TLN2: variants seen among roughly 807,000 people sequenced by gnomAD.
The protein encoded by TLN2 is talin-2.
Under a neutral mutation model 294.7 loss-of-function variants are expected in TLN2, and 118 were observed. The ratio of observed to expected loss-of-function variants is 0.40; its 90% CI spans 0.34 to 0.47. The LOEUF is 0.47. Among genes scored for constraint, TLN2 ranks in the 20% least tolerant of loss-of-function variants. TLN2 has a pLI of 0.84. For synonymous variants in TLN2, 1,431 were observed against 1,304.5 expected (o/e 1.10, Z -2.09); for missense variants, 3,083 against 3,282.2 (o/e 0.94, Z 1.48).
rs148041722 is a variant in TLN2 at position 62,654,613 on chromosome 15, G to A, written c.517+1299G>A. 4.4e-3 allele frequency among the ~76,000 whole-genome samples: 665 copies of A among 151,842 alleles called. 6 individuals carry two copies. The highest frequency in any genetic ancestry group is 0.015 in the African/African-American group (631 of 41,374). ...TGCTTAAAAATACAAAAATTAGCTG[G>A]GTGTGGTGGCGCATGCCTGTAATCC... On this transcript the variant is annotated intron_variant, in intron 7 of 58. Transcript: ENST00000636159.
At chr15:62,700,353 A>G (rs935574175) in intron 16 of TLN2, among the ~76,000 whole-genome samples, 4 of 152,238 alleles carry the variant, frequency 2.6e-5, no homozygotes, top group Non-Finnish European at 5.9e-5. Context: ...AAGATAAATG[A>G]TCATTTATTA....
chr15:62,541,897 T>G (rs1256231908), intron 1 of TLN2, among the ~76,000 whole-genome samples: 1 of 151,916 alleles, frequency 6.6e-6, no homozygotes, highest in Non-Finnish European at 1.5e-5. Context: ...TTTTATGTAT[T>G]TATTTTTGGC....
chr15:62,423,590 T>C (rs1052370341), intron 1 of TLN2, among the ~76,000 whole-genome samples: 2 of 152,088 alleles, frequency 1.3e-5, no homozygotes, highest in African/African-American at 4.8e-5. Flanking sequence ...AATTGATTTT[T>C]TTTTTTTTGA....
intron 1 of TLN2, among the ~76,000 whole-genome samples, chr15:62,460,192 TC>T (rs1388936108): frequency 1.3e-4 from 19 of 151,986 alleles, no homozygotes; most frequent in African/African-American, 4.4e-4. Flanking sequence ...CAGCCATGTG[TC>T]CTAGCAGGTT....
chr15:62,575,668 C>T (rs1034045972), intron 1 of TLN2, among the ~76,000 whole-genome samples: 5 of 152,092 alleles, frequency 3.3e-5, no homozygotes, highest in Non-Finnish European at 5.9e-5. Context: ...CTCAGAAGAC[C>T]ATTCAGAAAA....
At chr15:62,688,085 AT>A (rs1447331667) in intron 12 of TLN2, among the ~76,000 whole-genome samples, 37 of 152,214 alleles carry the variant, frequency 2.4e-4, no homozygotes, top group Non-Finnish European at 3.8e-4. Flanking sequence ...TTTGTTTTAC[AT>A]CTTGTAATAC....
intron 50 of TLN2, among the ~76,000 whole-genome samples, chr15:62,804,766 G>T (rs1428051683): frequency 1.3e-5 from 2 of 152,142 alleles, no homozygotes; most frequent in African/African-American, 4.8e-5. Flanking sequence ...CATTCTATGG[G>T]ATGCCAACTG....
Position 62,805,662 on chromosome 15 carries a change from G to A in TLN2, c.6540G>A (p.Thr2180=), listed in dbSNP as rs760232975. The A allele has an allele frequency of 1.2e-5, 19 of 1,613,892 alleles. No individual in the cohort carries two copies. The highest frequency in any genetic ancestry group is 5.0e-5 in the Admixed American group (3 of 59,986). ...CACCTGAAGAATCCATAAGGATGAC[G>A]AAAGGCATCACCATGGCAACAGCCA... ...TSSPEESIRM[T]KGITMATAKA... The change falls in exon 51 of 59, where the codon ACG becomes ACA. Residue 2180 remains threonine, a synonymous_variant. Coordinates refer to ENST00000636159, the MANE Select transcript of TLN2 (RefSeq NM_015059.3).
In TLN2 at chr15:62,410,297, CAT is replaced by C. The variant is rs997596131; in HGVS notation, c.-238+19618_-238+19619del. Among the ~76,000 whole-genome samples, 56 of 151,992 alleles carry C rather than the reference CAT, an allele frequency of 3.7e-4. No individual in the cohort carries two copies. The Middle Eastern group carries it at 0.01, about 28-fold the overall frequency. ...TAAAGTTAATTTTGTGTCTTTGGGT[CAT>C]ATATACTCACATCATTTTATATAAT... On this transcript the variant is annotated intron_variant, in intron 1 of 58. Coordinates refer to ENST00000636159, the MANE Select transcript of TLN2 (RefSeq NM_015059.3).
intron 1 of TLN2, among the ~76,000 whole-genome samples, chr15:62,417,945 C>G (rs1052147760): frequency 1.3e-5 from 2 of 152,220 alleles, no homozygotes; most frequent in Non-Finnish European, 2.9e-5. Flanking sequence ...GTCGCTTGCC[C>G]CCTGGCCTGT....
chr15:62,757,854 C>T (rs1240743690), intron 37 of TLN2, among the ~76,000 whole-genome samples: 1 of 152,158 alleles, frequency 6.6e-6, no homozygotes, highest in Non-Finnish European at 1.5e-5. Flanking sequence ...CAATTCCCAT[C>T]ATGTGGCAGG....
chr15:62,402,261 A>G (rs2033081198), intron 1 of TLN2, among the ~76,000 whole-genome samples: 1 of 152,186 alleles, frequency 6.6e-6, no homozygotes, highest in South Asian at 2.1e-4. Context: ...CTTGCACCCC[A>G]TTATTTGAAA....
intron 40 of TLN2, among the ~76,000 whole-genome samples, chr15:62,764,400 G>A (rs2062864780): frequency 6.6e-6 from 1 of 152,044 alleles, no homozygotes; most frequent in African/African-American, 2.4e-5. Context: ...TTATCTTCCT[G>A]CCACTGAATT....
intron 50 of TLN2, among the ~76,000 whole-genome samples, chr15:62,801,561 A>G (rs2065928891): frequency 6.6e-6 from 1 of 152,248 alleles, no homozygotes; most frequent in South Asian, 2.1e-4. Context: ...AAAGCGACCT[A>G]GAGCACTAGA....
At position 62,753,816 on chromosome 15, in the gene TLN2, G is replaced by A. The variant is rs1327549678; in HGVS notation, c.4376G>A (p.Gly1459Asp). The A allele has an allele frequency of 6.2e-7, 1 of 1,611,614 alleles. No individual in the cohort carries two copies. The highest frequency in any genetic ancestry group is 8.5e-7 in the Non-Finnish European group (1 of 1,178,908). Residue 1459 changes from glycine (G) to aspartate (D), a missense_variant, in exon 36 of 59, where the codon GGC (glycine) becomes GAC (aspartate). By Grantham distance (94) the Gly-to-Asp change is moderately conservative. Transcript: ENST00000636159. ...VGISDPNSQA[G>D]HQGLVDPIQF... ...ATCTCTGATCCAAACAGCCAGGCAG[G>A]CCACCAGGGCCTGGTGGACCCCATC...
At chr15:62,770,605 T>C (rs2063295618) in intron 41 of TLN2, among the ~76,000 whole-genome samples, 1 of 152,224 alleles carries the variant, frequency 6.6e-6, no homozygotes, top group African/African-American at 2.4e-5. Flanking sequence ...CTTACCCTTT[T>C]CCACTCCTCC....
chr15:62,740,508 G>T, intron 31 of TLN2, 122 bp from the exon 32 acceptor site: 1 of 1,316,982 alleles, frequency 7.6e-7, no homozygotes, highest in African/African-American at 1.5e-5. Context: ...CGGGCTAACT[G>T]GGTTTAATGT....
chr15:62,430,723 A>C (rs889661079), intron 1 of TLN2, among the ~76,000 whole-genome samples: 50 of 152,280 alleles, frequency 3.3e-4, no homozygotes, highest in Admixed American at 2.8e-3. Context: ...TCATGAGTAA[A>C]GTATAAGTCA....
intron 1 of TLN2, among the ~76,000 whole-genome samples, chr15:62,496,384 T>G (rs1485999403): frequency 6.6e-6 from 1 of 152,116 alleles, no homozygotes; most frequent in Non-Finnish European, 1.5e-5. Context: ...CCACATCTCC[T>G]AGAGTTTCCC....
Sources: allele counts gnomAD v4.1 joint callset (sites outside exome capture counted in the v4.1 genomes callset), GRCh38; gene constraint gnomAD v4.1.1; transcripts MANE v1.5; gene names NCBI Gene and HGNC (gene_info 2026-07-23, HGNC 2026-07-21).